Variants in PCDH9 observed in about 807,000 individuals in gnomAD.
The protein encoded by PCDH9 is protocadherin 9.
In PCDH9, 24 loss-of-function variants were observed where a neutral mutation model predicts 70.6. The ratio of observed to expected loss-of-function variants is 0.34; its 90% CI spans 0.25 to 0.48. The LOEUF is 0.48. Among genes scored for constraint, PCDH9 ranks in the 20% least tolerant of loss-of-function variants. The pLI, the probability that PCDH9 is intolerant of heterozygous loss-of-function variation, is 0.99. For missense variants in PCDH9, 1,281 were observed against 1,503.6 expected (o/e 0.85, Z 2.45); for synonymous variants, 562 against 558.5 (o/e 1.01, Z -0.09).
chr13:66,341,590 T>C (rs1381280261), intron 4 of PCDH9, among the ~76,000 whole-genome samples: 1 of 152,098 alleles, frequency 6.6e-6, no homozygotes, highest in South Asian at 2.1e-4. Context: ...CCTATGCACA[T>C]TAGAGCTAGA....
intron 3 of PCDH9, among the ~76,000 whole-genome samples, chr13:66,631,962 T>C (rs1005324733): frequency 6.6e-5 from 10 of 152,120 alleles, no homozygotes; most frequent in African/African-American, 1.9e-4. Context: ...GGCGCGATCT[T>C]GGCTCACTGC....
chr13:66,685,171 A>G (rs976246435), intron 3 of PCDH9, among the ~76,000 whole-genome samples: 4 of 152,150 alleles, frequency 2.6e-5, no homozygotes, highest in African/African-American at 9.7e-5. Flanking sequence ...AGCCCCTCCC[A>G]TCACCCGCCC....
At chr13:66,459,819 C>T (rs987780522) in intron 4 of PCDH9, among the ~76,000 whole-genome samples, 2 of 151,944 alleles carry the variant, frequency 1.3e-5, no homozygotes, top group African/African-American at 4.8e-5. Flanking sequence ...TAGCTCTGGG[C>T]TTGCTTTTGA....
chr13:66,501,811 A>G (rs1461046541), intron 4 of PCDH9, among the ~76,000 whole-genome samples: 1 of 152,168 alleles, frequency 6.6e-6, no homozygotes, highest in Non-Finnish European at 1.5e-5. Flanking sequence ...TGTAGTATGT[A>G]CATTTTACTT....
intron 3 of PCDH9, among the ~76,000 whole-genome samples, chr13:66,724,349 A>G (rs2078978667): frequency 1.3e-5 from 2 of 152,212 alleles, no homozygotes; most frequent in Non-Finnish European, 2.9e-5. Context: ...AAAAATGGCC[A>G]CTAGCAGTCA....
At chr13:67,181,945 A>G (rs926617768) in intron 2 of PCDH9, among the ~76,000 whole-genome samples, 3 of 152,154 alleles carry the variant, frequency 2.0e-5, no homozygotes, top group African/African-American at 4.8e-5. Context: ...CTAGGACACT[A>G]CAGTCCCCAG....
At chr13:66,983,195 C>T (rs192239113) in intron 2 of PCDH9, among the ~76,000 whole-genome samples, 4 of 151,980 alleles carry the variant, frequency 2.6e-5, no homozygotes, top group East Asian at 1.9e-4. Flanking sequence ...AAAACCTGCA[C>T]GTCCTGCACG....
chr13:66,632,581 C>T (rs907248885), intron 3 of PCDH9, among the ~76,000 whole-genome samples: 17 of 151,952 alleles, frequency 1.1e-4, no homozygotes, highest in African/African-American at 4.1e-4. Context: ...TCATGTTTAC[C>T]AAAAAAGTTT....
At chr13:67,040,228 G>T (rs560839226) in intron 2 of PCDH9, among the ~76,000 whole-genome samples, 1 of 152,122 alleles carries the variant, frequency 6.6e-6, no homozygotes, top group Non-Finnish European at 1.5e-5. Flanking sequence ...TTAGCCCCCA[G>T]TGTGACGTTA....
chr13:66,538,726 A>G (rs1960814148), intron 4 of PCDH9, among the ~76,000 whole-genome samples: 1 of 149,396 alleles, frequency 6.7e-6, no homozygotes, highest in African/African-American at 2.4e-5. Context: ...TGAAATGTCA[A>G]TCTCATCTAA....
intron 3 of PCDH9, among the ~76,000 whole-genome samples, chr13:66,822,186 T>A (rs192489960): frequency 9.9e-5 from 15 of 151,834 alleles, no homozygotes; most frequent in Admixed American, 8.5e-4. Context: ...CTACTAAGAT[T>A]TTCCACTTAT....
intron 4 of PCDH9, among the ~76,000 whole-genome samples, chr13:66,465,972 C>T (rs1199909717): frequency 6.6e-6 from 1 of 151,938 alleles, no homozygotes. Context: ...TTGTTTCCAA[C>T]ATGTTTTTCA....
At chr13:67,158,605 G>A (rs1386112158) in intron 2 of PCDH9, among the ~76,000 whole-genome samples, 1 of 152,132 alleles carries the variant, frequency 6.6e-6, no homozygotes, top group Non-Finnish European at 1.5e-5. Flanking sequence ...TCCAAACCAG[G>A]AAAAGTGCTT....
At position 66,771,670 on chromosome 13, in the gene PCDH9, G is replaced by A. The variant is rs546887729; in HGVS notation, c.3138+131834C>T. ...TATAGAGTTTTGATAAAGAACATCAGTTGTGCAGTCAACTCGAACTAGGTT... is the reference window on the plus strand; with the variant it reads ...TATAGAGTTTTGATAAAGAACATCAATTGTGCAGTCAACTCGAACTAGGTT... On this transcript the variant is annotated intron_variant, in intron 3 of 4. Transcript: ENST00000377865. 3.3e-5 allele frequency among the ~76,000 whole-genome samples: 5 copies of A among 152,312 alleles called. No individual in the cohort carries two copies. In the South Asian group the frequency reaches 1.0e-3, roughly 32 times the overall value.
chr13:66,506,031 G>A (rs1959209627), intron 4 of PCDH9, among the ~76,000 whole-genome samples: 1 of 152,164 alleles, frequency 6.6e-6, no homozygotes, highest in Non-Finnish European at 1.5e-5. Context: ...ATTCTTACAT[G>A]TATGTAGAGT....
At chr13:66,896,218 G>A (rs924216566) in intron 3 of PCDH9, among the ~76,000 whole-genome samples, 2 of 152,042 alleles carry the variant, frequency 1.3e-5, no homozygotes, top group Admixed American at 6.6e-5. Flanking sequence ...ATACTGAACT[G>A]GTGGAAAATC....
At chr13:66,547,902 TATA>T (rs34327581) in intron 4 of PCDH9, among the ~76,000 whole-genome samples, 37,716 of 146,878 alleles carry the variant, frequency 0.26, 5,060 homozygotes, top group South Asian at 0.34. Flanking sequence ...CATATTATTA[TATA>T]ATAATATATT....
At chr13:67,184,451 A>T (rs2088696610) in intron 2 of PCDH9, among the ~76,000 whole-genome samples, 2 of 152,270 alleles carry the variant, frequency 1.3e-5, no homozygotes, top group Non-Finnish European at 2.9e-5. Flanking sequence ...GGTAGGGCCC[A>T]GGCATGGTGA....
chr13:67,134,833 C>T (rs1457144758), intron 2 of PCDH9, among the ~76,000 whole-genome samples: 2 of 151,956 alleles, frequency 1.3e-5, no homozygotes, highest in Admixed American at 6.6e-5. Context: ...CTCCTTGACT[C>T]GCCATCAAAA....
Sources: allele counts gnomAD v4.1 joint callset (sites outside exome capture counted in the v4.1 genomes callset), GRCh38; gene constraint gnomAD v4.1.1; transcripts MANE v1.5; gene names NCBI Gene and HGNC (gene_info 2026-07-23, HGNC 2026-07-21).